Variants in OR3A2 observed in about 807,000 individuals in gnomAD.
OR3A2 encodes the protein olfactory receptor 3A2.
For missense variants in OR3A2, 318 were observed against 392.8 expected, an observed-to-expected ratio of 0.81 and a Z score of 1.61; for synonymous variants, 126 against 159.3, an observed-to-expected ratio of 0.79 and a Z score of 1.57.
intron 3 of OR3A2, among the ~76,000 whole-genome samples, chr17:3,294,264 A>T (rs1157939531): frequency 6.6e-6 from 1 of 152,066 alleles, no homozygotes. Context: ...GGATTGCAAG[A>T]AAGATAAGAA....
chr17:3,374,629 G>GA (rs768226636), intron 2 of OR3A2, among the ~76,000 whole-genome samples: 2 of 152,090 alleles, frequency 1.3e-5, no homozygotes. Context: ...TTCATTTCCA[G>GA]AAATTGTGAT....
chr17:3,351,050 A>G (rs1298480556), intron 2 of OR3A2, among the ~76,000 whole-genome samples: 13 of 151,788 alleles, frequency 8.6e-5, no homozygotes, highest in Non-Finnish European at 1.6e-4. Flanking sequence ...AATAAGAGCT[A>G]TCTATGACAA....
exon 2 of OR3A2, chr17:3,277,308 T>C (rs1343362936): frequency 1.3e-5 from 2 of 152,200 alleles, no homozygotes; most frequent in Non-Finnish European, 1.5e-5. Context: ...AATAATCCAT[T>C]GCACTAGGCC....
intron 2 of OR3A2, among the ~76,000 whole-genome samples, chr17:3,340,042 T>C (rs940796555): frequency 3.3e-5 from 5 of 152,230 alleles, no homozygotes; most frequent in Admixed American, 1.3e-4. Flanking sequence ...TCTTCTAGAT[T>C]TTGTAGTTCA....
chr17:3,289,514 G>A (rs2048845393), intron 3 of OR3A2, among the ~76,000 whole-genome samples: 1 of 152,232 alleles, frequency 6.6e-6, no homozygotes, highest in Admixed American at 6.5e-5. Context: ...AAATGCCAGA[G>A]GCACCAGATC....
chr17:3,354,851 CTATT>C (rs1452519637), intron 2 of OR3A2, among the ~76,000 whole-genome samples: 2 of 151,014 alleles, frequency 1.3e-5, no homozygotes, highest in Non-Finnish European at 3.0e-5. Context: ...CATCATTAGG[CTATT>C]TATTTGAAGT....
chr17:3,373,915 G>C (rs1450047553), intron 2 of OR3A2, among the ~76,000 whole-genome samples: 1 of 152,052 alleles, frequency 6.6e-6, no homozygotes, highest in African/African-American at 2.4e-5. Context: ...ATGCTTTAAG[G>C]AGGTTCCAGT....
chr17:3,372,739 A>G (rs1175889557), intron 2 of OR3A2, among the ~76,000 whole-genome samples: 5 of 151,790 alleles, frequency 3.3e-5, no homozygotes, highest in African/African-American at 1.2e-4. Context: ...CAGGAGAATC[A>G]GGCAGGGAGG....
At chr17:3,318,473 C>A (rs763617339) in intron 3 of OR3A2, among the ~76,000 whole-genome samples, 2 of 152,188 alleles carry the variant, frequency 1.3e-5, no homozygotes, top group African/African-American at 4.8e-5. Context: ...TCCCTGTAAA[C>A]GCTAGCCTCC....
At chr17:3,381,571 A>C (rs2049736916) in intron 2 of OR3A2, among the ~76,000 whole-genome samples, 2 of 152,186 alleles carry the variant, frequency 1.3e-5, no homozygotes, top group South Asian at 4.1e-4. Flanking sequence ...TGGGGAAGGA[A>C]ACTGACATTT....
intron 2 of OR3A2, among the ~76,000 whole-genome samples, chr17:3,360,788 G>C (rs1281655814): frequency 6.6e-6 from 1 of 151,496 alleles, no homozygotes; most frequent in Non-Finnish European, 1.5e-5. Flanking sequence ...TCTCTGTTTT[G>C]GTACTAGTAC....
At chr17:3,346,922 T>A (rs2049369177) in intron 2 of OR3A2, among the ~76,000 whole-genome samples, 1 of 152,238 alleles carries the variant, frequency 6.6e-6, no homozygotes, top group Non-Finnish European at 1.5e-5. Context: ...CCACATTTTC[T>A]TTATCCATTT....
intron 3 of OR3A2, among the ~76,000 whole-genome samples, chr17:3,293,940 A>G (rs1335031598): frequency 6.6e-6 from 1 of 152,088 alleles, no homozygotes; most frequent in Non-Finnish European, 1.5e-5. Flanking sequence ...GAAACAACAC[A>G]CACTGGGGCC....
intron 2 of OR3A2, among the ~76,000 whole-genome samples, chr17:3,364,582 T>A (rs1199285923): frequency 6.6e-6 from 1 of 152,196 alleles, no homozygotes; most frequent in East Asian, 1.9e-4. Flanking sequence ...CATGTTAGAA[T>A]GGCTATTATC....
intron 3 of OR3A2, chr17:3,291,808 T>C (rs577754622): frequency 1.9e-5 from 30 of 1,613,888 alleles, no homozygotes; most frequent in East Asian, 4.5e-5. Flanking sequence ...TAGTTAAAGA[T>C]ACCTGAACCA....
intron 2 of OR3A2, among the ~76,000 whole-genome samples, chr17:3,371,852 C>A (rs367791869): frequency 7.8e-6 from 1 of 128,494 alleles, no homozygotes; most frequent in African/African-American, 3.0e-5. Flanking sequence ...CCCGCCCGGA[C>A]GGGGCGGCTG....
intron 3 of OR3A2, chr17:3,310,989 G>A (rs1412307940): frequency 1.8e-6 from 1 of 552,792 alleles, no homozygotes; most frequent in South Asian, 1.4e-5. Context: ...TGTGGCAGCT[G>A]CAGTCCTGCG....
chr17:3,338,268 C>T (rs9902315), intron 2 of OR3A2, among the ~76,000 whole-genome samples: 22,977 of 151,886 alleles, frequency 0.15, 2,310 homozygotes, highest in African/African-American at 0.28. Flanking sequence ...AGAAGCTCTT[C>T]AGTTTAATTA....
intron 3 of OR3A2, chr17:3,291,457 C>T (rs565422099): frequency 2.7e-4 from 152 of 561,496 alleles, no homozygotes; most frequent in Middle Eastern, 1.4e-3. Flanking sequence ...CCTATACACT[C>T]ATTGCTTATA....
Sources: allele counts gnomAD v4.1 joint callset (sites outside exome capture counted in the v4.1 genomes callset), GRCh38; gene constraint gnomAD v4.1.1; transcripts MANE v1.5; gene names NCBI Gene and HGNC (gene_info 2026-07-23, HGNC 2026-07-21).